Variants in HECW1 observed in about 807,000 individuals in gnomAD.
The protein encoded by HECW1 is HECT, C2 and WW domain containing E3 ubiquitin protein ligase 1, also known as E3 ubiquitin-protein ligase HECW1.
A neutral mutation model predicts 182.3 loss-of-function variants in HECW1; 61 were observed. That is an observed-to-expected ratio of 0.33 (90% CI 0.27 to 0.41). The LOEUF (loss-of-function observed/expected upper bound fraction) is 0.41, where lower values mean the gene tolerates loss of function less well. Ranked by LOEUF, HECW1 falls within the 10% of genes least tolerant of loss-of-function variation. The pLI, the probability that HECW1 is intolerant of heterozygous loss-of-function variation, is 1.00. For synonymous variants in HECW1, 859 were observed against 832.6 expected, an observed-to-expected ratio of 1.03 and a Z score of -0.55; for missense variants, 1,739 against 2,108.9, an observed-to-expected ratio of 0.82 and a Z score of 3.44.
chr7:43,430,115 C>T (rs888156410), intron 8 of HECW1, among the ~76,000 whole-genome samples: 4 of 152,240 alleles, frequency 2.6e-5, no homozygotes, highest in African/African-American at 4.8e-5. Context: ...ATAAATGAAT[C>T]ACTATACCTC....
At chr7:43,198,370 CACACACACGTCTT>C (rs1794684242) in intron 2 of HECW1, among the ~76,000 whole-genome samples, 1 of 148,940 alleles carries the variant, frequency 6.7e-6, no homozygotes, top group Non-Finnish European at 1.5e-5. Flanking sequence ...CCCACGCTCT[CACACACACGTCTT>C]ACACACACTC....
At chr7:43,362,815 T>C (rs142232356) in intron 6 of HECW1, among the ~76,000 whole-genome samples, 5 of 152,340 alleles carry the variant, frequency 3.3e-5, no homozygotes, top group Middle Eastern at 3.4e-3. Context: ...ACTGCAGGCC[T>C]GGCCTCTTGC....
chr7:43,395,276 T>G (rs902065832), intron 6 of HECW1, among the ~76,000 whole-genome samples: 6 of 152,184 alleles, frequency 3.9e-5, no homozygotes, highest in Non-Finnish European at 8.8e-5. Context: ...TTGTTTAAAC[T>G]GTAAACTACA....
chr7:43,336,438 G>A (rs1261148257), intron 5 of HECW1, among the ~76,000 whole-genome samples: 1 of 151,996 alleles, frequency 6.6e-6, no homozygotes, highest in African/African-American at 2.4e-5. Flanking sequence ...AAAGTGCTGG[G>A]ATTACAGGTG....
In HECW1 at chr7:43,552,199, C is replaced by G. The variant is rs771085259; in HGVS notation, c.4396-23C>G. 10 of 1,477,058 alleles carry G rather than the reference C, an allele frequency of 6.8e-6. No homozygotes were observed. The East Asian group carries it at 2.3e-4, about 33-fold the overall frequency. The allele number at this position is 1,477,058 out of a possible 1,614,324, so 91.5% of individuals were successfully genotyped here. A position where few individuals can be genotyped will look rare whatever the true frequency, so the allele number is the denominator to read the frequency against. Reference sequence around the variant, plus strand: ...CTTTCCATGTGTTTGGACCTGGATGCTGAAGCCTAACCTGCATTTCAGGTT... The same window carrying G: ...CTTTCCATGTGTTTGGACCTGGATGGTGAAGCCTAACCTGCATTTCAGGTT... On this transcript the variant is annotated intron_variant, in intron 27 of 29. Coordinates refer to ENST00000395891, the MANE Select transcript of HECW1 (RefSeq NM_015052.5).
intron 16 of HECW1, among the ~76,000 whole-genome samples, chr7:43,470,482 C>T (rs746872033): frequency 2.6e-5 from 4 of 152,154 alleles, no homozygotes; most frequent in Non-Finnish European, 5.9e-5. Context: ...CTTCCCAATG[C>T]AATAAGCCCT....
At position 43,158,465 on chromosome 7, in the gene HECW1, G is replaced by A. The variant is rs189308734; in HGVS notation, c.-32+44074G>A. 3.3e-3 allele frequency among the ~76,000 whole-genome samples: 503 copies of A among 152,170 alleles called. 1 individual carries two copies. The highest frequency in any genetic ancestry group is 3.4e-3 in the Non-Finnish European group (232 of 68,002). On this transcript the variant is annotated intron_variant, in intron 2 of 29. Transcript: ENST00000395891. ...GGACATAACTACTGTTAATACTTTG[G>A]CATATATCCTACAAGCATTTTTTCA...
intron 11 of HECW1, among the ~76,000 whole-genome samples, chr7:43,446,664 A>G (rs973993137): frequency 1.3e-5 from 2 of 152,252 alleles, no homozygotes; most frequent in African/African-American, 4.8e-5. Context: ...ATTAAAAAAA[A>G]TAATTTTAAG....
At chr7:43,485,812 CT>C (rs2078610145) in intron 17 of HECW1, among the ~76,000 whole-genome samples, 1 of 152,182 alleles carries the variant, frequency 6.6e-6, no homozygotes, top group East Asian at 1.9e-4. Context: ...TAGGACATTA[CT>C]GTACACTAAT....
intron 24 of HECW1, among the ~76,000 whole-genome samples, chr7:43,534,021 T>G (rs1448822891): frequency 6.6e-6 from 1 of 152,098 alleles, no homozygotes; most frequent in Admixed American, 6.5e-5. Flanking sequence ...GCAGCCCAAG[T>G]TTAATGCCGG....
chr7:43,268,221 C>T (rs1278043658), intron 3 of HECW1, among the ~76,000 whole-genome samples: 1 of 152,220 alleles, frequency 6.6e-6, no homozygotes, highest in Non-Finnish European at 1.5e-5. Flanking sequence ...ATTTCCAACT[C>T]AGCTACAGAA....
In HECW1 at chr7:43,479,725, G is replaced by A. The variant is rs1008402690; in HGVS notation, c.3215G>A (p.Arg1072Gln). 6.8e-6 allele frequency: 11 copies of A among 1,613,906 alleles called. No individual in the cohort carries two copies. Among genetic ancestry groups the A allele is most frequent in the South Asian group, 1.1e-5 (1 of 91,064 alleles). ...CACCGACAGCACCTCCAGAGGCTCC[G>A]AAGTTACAGCGCTGGAGAGGTAACC... ...LTHRQHLQRL[R>Q]SYSAGEASEV... Residue 1072 changes from arginine (R) to glutamine (Q), a missense_variant, in exon 17 of 30, where the codon CGA becomes CAA. By Grantham distance (43) the Arg-to-Gln change is conservative. Transcript: ENST00000395891.
intron 24 of HECW1, among the ~76,000 whole-genome samples, chr7:43,514,976 G>C (rs1446285524): frequency 6.6e-6 from 1 of 152,178 alleles, no homozygotes; most frequent in Non-Finnish European, 1.5e-5. Context: ...CCATTCAAAG[G>C]CAAAGTCAGA....
At chr7:43,481,300 C>A (rs1323800183) in intron 17 of HECW1, among the ~76,000 whole-genome samples, 2 of 152,166 alleles carry the variant, frequency 1.3e-5, no homozygotes, top group African/African-American at 2.4e-5. Flanking sequence ...ATTCAAAATT[C>A]TTCATGAAGT....
chr7:43,429,484 T>C (rs2076476168), intron 8 of HECW1, among the ~76,000 whole-genome samples: 1 of 151,830 alleles, frequency 6.6e-6, no homozygotes, highest in African/African-American at 2.4e-5. Flanking sequence ...CACTTCTTAA[T>C]GTAAAACGCT....
chr7:43,288,254 G>C (rs1183119251), intron 3 of HECW1, among the ~76,000 whole-genome samples: 2 of 152,202 alleles, frequency 1.3e-5, no homozygotes, highest in African/African-American at 2.4e-5. Context: ...GCTGTAGGTA[G>C]TAGAGTCACA....
At chr7:43,439,201 G>A (rs1424964570) in intron 9 of HECW1, 1 of 152,146 alleles carries the variant, frequency 6.6e-6, no homozygotes, top group Admixed American at 6.5e-5. Flanking sequence ...GAACACAAAA[G>A]AAAATGGTAT....
In HECW1 at chr7:43,508,019, C is replaced by A; in HGVS notation, c.3754C>A (p.Leu1252Ile). ...CTCACCACCCCTTCTCCTTCTCAGG[C>A]TCATTATTCGCCGGGATCATTTGTT... Reference protein sequence around the residue: ...GFGQGPGKIKLIIRRDHLLEG... With the variant: ...GFGQGPGKIKIIIRRDHLLEG... The change falls in exon 23 of 30, where the codon CTC (leucine) becomes ATC (isoleucine). Residue 1252 changes from leucine (L) to isoleucine (I), a missense_variant and splice_region_variant. Physicochemically the swap from Leu to Ile is conservative, Grantham distance 5 (BLOSUM62 2). Coordinates refer to ENST00000395891, the MANE Select transcript of HECW1 (RefSeq NM_015052.5). The A allele has an allele frequency of 6.2e-7, 1 of 1,611,624 alleles. No homozygotes were observed. The highest frequency in any genetic ancestry group is 2.2e-5 in the East Asian group (1 of 44,854).
intron 3 of HECW1, among the ~76,000 whole-genome samples, chr7:43,269,525 A>G (rs562050071): frequency 6.6e-6 from 1 of 152,346 alleles, no homozygotes; most frequent in African/African-American, 2.4e-5. Context: ...CACTTGAAGC[A>G]TATTTGGGTT....
Sources: gnomAD v4.1 joint callset for allele counts (sites outside exome capture counted in the v4.1 genomes callset) on GRCh38, gnomAD v4.1.1 for gene constraint, MANE v1.5 for transcripts, NCBI Gene and HGNC (gene_info 2026-07-23, HGNC 2026-07-21) for gene names.